ULK4: variants seen among roughly 807,000 people sequenced by gnomAD.
ULK4 encodes the protein unc-51 like kinase 4.
ULK4 carries 133 observed loss-of-function variants against 160.6 expected under a neutral mutation model. The ratio of observed to expected loss-of-function variants is 0.83; its 90% confidence interval spans 0.72 to 0.96. The LOEUF (loss-of-function observed/expected upper bound fraction) is 0.96. Among genes scored for constraint, ULK4 ranks in the 40% least tolerant of loss-of-function variants. The pLI, the probability that ULK4 is intolerant of heterozygous loss-of-function variation, is 0.00. For missense variants in ULK4, 1,580 were observed against 1,499.5 expected (o/e 1.05, Z -0.89); for synonymous variants, 534 against 539.8 (o/e 0.99, Z 0.15).
At chr3:41,250,710 A>G (rs1575352967) in intron 35 of ULK4, among the ~76,000 whole-genome samples, 2 of 152,140 alleles carry the variant, frequency 1.3e-5, no homozygotes, top group African/African-American at 4.8e-5. Context: ...ATGCATTCGC[A>G]CCTCCACTGA....
intron 31 of ULK4, among the ~76,000 whole-genome samples, chr3:41,600,502 C>T (rs1021819940): frequency 2.0e-5 from 3 of 152,118 alleles, no homozygotes. Context: ...GTTTTCCAAG[C>T]AAAGAAAGGA....
intron 35 of ULK4, among the ~76,000 whole-genome samples, chr3:41,384,596 T>A (rs1305035567): frequency 6.6e-6 from 1 of 152,062 alleles, no homozygotes; most frequent in Non-Finnish European, 1.5e-5. Flanking sequence ...TATATAAATT[T>A]TTTTTCGAGA....
At chr3:41,706,887 G>GTATA (rs1307598448) in intron 25 of ULK4, among the ~76,000 whole-genome samples, 2 of 127,534 alleles carry the variant, frequency 1.6e-5, no homozygotes, top group African/African-American at 7.4e-5. Flanking sequence ...GTGTGTGTGT[G>GTATA]TGTATATATA....
At chr3:41,279,266 A>C (rs527474118) in intron 35 of ULK4, among the ~76,000 whole-genome samples, 55 of 143,968 alleles carry the variant, frequency 3.8e-4, no homozygotes, top group South Asian at 1.1e-3. Flanking sequence ...AAAAAAAAAA[A>C]AAAAAAAAAC....
At chr3:41,320,329 G>A (rs1166217183) in intron 35 of ULK4, among the ~76,000 whole-genome samples, 1 of 152,166 alleles carries the variant, frequency 6.6e-6, no homozygotes, top group Admixed American at 6.5e-5. Context: ...GTAACGCAGG[G>A]ATGCCACTAT....
intron 25 of ULK4, among the ~76,000 whole-genome samples, chr3:41,710,904 G>A (rs1011129428): frequency 6.6e-6 from 1 of 152,152 alleles, no homozygotes; most frequent in East Asian, 1.9e-4. Context: ...GCAGAAAGCA[G>A]GTAGGAACAA....
chr3:41,710,625 C>G (rs1344309913), intron 25 of ULK4, among the ~76,000 whole-genome samples: 2 of 152,028 alleles, frequency 1.3e-5, no homozygotes, highest in Non-Finnish European at 2.9e-5. Flanking sequence ...GAAACCCCAT[C>G]TCTACAAAAA....
chr3:41,932,574 G>C lies in ULK4; in HGVS notation c.379-568C>G, dbSNP rs546925040. 2.6e-5 allele frequency among the ~76,000 whole-genome samples: 4 copies of C among 152,308 alleles called. No homozygotes were observed. The East Asian group carries it at 7.7e-4, about 29-fold the overall frequency. On this transcript the variant is annotated intron_variant, in intron 4 of 36. Coordinates refer to ENST00000301831, the MANE Select transcript of ULK4 (RefSeq NM_017886.4). The stretch of plus-strand genomic sequence containing the variant: ...TTAATCGAAGTTATGCAAGTAAAGG[G>C]TTTGTAACAGTCACTGGCATGTGAC...
At chr3:41,896,485 C>G in intron 15 of ULK4, among the ~76,000 whole-genome samples, 1 of 152,092 alleles carries the variant, frequency 6.6e-6, no homozygotes, top group Non-Finnish European at 1.5e-5. Context: ...AACTCCTGAC[C>G]TCAGGTGATC....
intron 34 of ULK4, among the ~76,000 whole-genome samples, chr3:41,410,497 T>C (rs1263454381): frequency 6.6e-6 from 1 of 152,144 alleles, no homozygotes; most frequent in Non-Finnish European, 1.5e-5. Context: ...AATTAGTGAT[T>C]GACTAGAGTT....
chr3:41,270,941 T>C (rs989673099), intron 35 of ULK4, among the ~76,000 whole-genome samples: 4 of 152,226 alleles, frequency 2.6e-5, no homozygotes, highest in Non-Finnish European at 4.4e-5. Flanking sequence ...AGATATACTA[T>C]TTATATTGAC....
At chr3:41,888,717 A>AT (rs1697814777) in intron 16 of ULK4, among the ~76,000 whole-genome samples, 1 of 152,174 alleles carries the variant, frequency 6.6e-6, no homozygotes, top group Non-Finnish European at 1.5e-5. Flanking sequence ...GGGGTGGGAC[A>AT]TAGGTGTGGA....
chr3:41,884,049 T>C, intron 16 of ULK4, 97 bp from the exon 17 acceptor site: 5 of 850,984 alleles, frequency 5.9e-6, no homozygotes, highest in Admixed American at 2.1e-5. Flanking sequence ...GCATTAGATA[T>C]AAGACTGAGA....
chr3:41,781,863 C>T (rs1487245919), intron 21 of ULK4, among the ~76,000 whole-genome samples: 1 of 152,010 alleles, frequency 6.6e-6, no homozygotes, highest in Non-Finnish European at 1.5e-5. Context: ...CACTTGAACC[C>T]GGGAGGCGGA....
At position 41,360,856 on chromosome 3, in the gene ULK4, C is replaced by T. The variant is rs781382863; in HGVS notation, c.3678+37223G>A. Among the ~76,000 whole-genome samples, 35 of 151,902 alleles carry T rather than the reference C, an allele frequency of 2.3e-4. 1 individual carries two copies. The highest frequency in any genetic ancestry group is 1.9e-4 in the Non-Finnish European group (13 of 68,024). On this transcript the variant is annotated intron_variant, in intron 35 of 36. Transcript: ENST00000301831. ...CTAGGTGATGGGATGATCTGTGCTA[C>T]AAACCACCATAGCACACGTTTACCT...
chr3:41,959,708 G>A (rs1483074335), intron 1 of ULK4, among the ~76,000 whole-genome samples: 2 of 152,074 alleles, frequency 1.3e-5, no homozygotes, highest in South Asian at 2.1e-4. Context: ...GGAGGTGGAG[G>A]CAGGATTGTC....
chr3:41,861,716 T>C (rs1716676), intron 17 of ULK4, among the ~76,000 whole-genome samples: 47,366 of 152,006 alleles, frequency 0.31, 10,779 homozygotes, highest in African/African-American at 0.65. Context: ...CTCTATTATC[T>C]TTTTGAATAA....
chr3:41,529,133 C>T (rs78684434), intron 32 of ULK4, among the ~76,000 whole-genome samples: 4,303 of 152,296 alleles, frequency 0.028, 183 homozygotes, highest in African/African-American at 0.093. Flanking sequence ...AGTTTGGTAA[C>T]ATTACCTTAA....
intron 34 of ULK4, among the ~76,000 whole-genome samples, chr3:41,408,994 T>C (rs2082355183): frequency 6.6e-6 from 1 of 152,106 alleles, no homozygotes; most frequent in Admixed American, 6.5e-5. Context: ...TGCAGCTGGG[T>C]GCTCTAGTCC....
Sources: gnomAD v4.1 joint callset for allele counts (sites outside exome capture counted in the v4.1 genomes callset) on GRCh38, gnomAD v4.1.1 for gene constraint, MANE v1.5 for transcripts, NCBI Gene and HGNC (gene_info 2026-07-23, HGNC 2026-07-21) for gene names.